Variants in PIEZO2 observed in about 807,000 individuals in gnomAD.
PIEZO2 encodes the protein piezo-type mechanosensitive ion channel component 2.
In PIEZO2, 172 loss-of-function variants were observed where a neutral mutation model predicts 337.3. That is an observed-to-expected ratio of 0.51 (90% CI 0.45 to 0.58). PIEZO2 has a LOEUF of 0.58. PIEZO2 is among the 20% of genes least tolerant of loss of function. PIEZO2 has a pLI of 0.00. For missense variants in PIEZO2, 3,028 were observed against 3,391.3 expected (o/e 0.89, Z 2.66); for synonymous variants, 1,251 against 1,228.5 (o/e 1.02, Z -0.38).
chr18:11,034,879 C>A (rs1271623927), intron 2 of PIEZO2, among the ~76,000 whole-genome samples: 2 of 152,104 alleles, frequency 1.3e-5, no homozygotes, highest in Non-Finnish European at 2.9e-5. Context: ...AAACCTCTCC[C>A]AGAATCAAGT....
rs1413892205 is a variant in PIEZO2, at chr18:11,002,668, G to T, written c.161-23008C>A. Reference sequence around the variant, plus strand: ...CTTAATATTATGAGACAGTTGCTTTGTTGCAATGTTTTACTGGCGGCGGCG... The same window carrying T: ...CTTAATATTATGAGACAGTTGCTTTTTTGCAATGTTTTACTGGCGGCGGCG... On this transcript the variant is annotated intron_variant, in intron 2 of 55. Transcript: ENST00000674853. This position sits in a 1 kb window ranked among gnomAD's most constrained non-coding sequence, Gnocchi z 4.3. Among the ~76,000 whole-genome samples, 3 of 152,188 alleles carry T rather than the reference G, an allele frequency of 2.0e-5. No individual in the cohort carries two copies. Among genetic ancestry groups the T allele is most frequent in the African/African-American group, 4.8e-5 (2 of 41,438 alleles).
chr18:10,892,492 C>A (rs890016758), intron 4 of PIEZO2, among the ~76,000 whole-genome samples: 3 of 152,152 alleles, frequency 2.0e-5, no homozygotes, highest in African/African-American at 7.2e-5. Context: ...GGGAGGTTGA[C>A]TGCCGAGGGC....
rs1466161890 is a variant in PIEZO2 at position 10,903,636 on chromosome 18, G to A, written c.329+7550C>T. On this transcript the variant is annotated intron_variant, in intron 4 of 55. Transcript: ENST00000674853. The surrounding 1 kb of genome is among the most constrained non-coding windows in gnomAD (Gnocchi z 4.1). Reference sequence around the variant, plus strand: ...TGCAGTGAGCCGAGATCACACCACTGCACTCCAGCCTGGGCGACAGAGCAA... The same window carrying A: ...TGCAGTGAGCCGAGATCACACCACTACACTCCAGCCTGGGCGACAGAGCAA... Among the ~76,000 whole-genome samples the A allele has an allele frequency of 6.6e-6, 1 of 151,876 alleles. No individual in the cohort carries two copies. The highest frequency in any genetic ancestry group is 2.4e-5 in the African/African-American group (1 of 41,328).
intron 52 of PIEZO2, among the ~76,000 whole-genome samples, chr18:10,679,459 G>T (rs375960598): frequency 1.3e-5 from 2 of 152,258 alleles, no homozygotes; most frequent in African/African-American, 4.8e-5. Context: ...TAAGGAGCAG[G>T]ATATTGATTT....
At chr18:10,944,499 A>G (rs2032905658) in intron 3 of PIEZO2, among the ~76,000 whole-genome samples, 1 of 26,252 alleles carries the variant, frequency 3.8e-5, no homozygotes, top group African/African-American at 1.7e-4. Flanking sequence ...ATATATATAT[A>G]TATATATCTT....
rs950911287 is a variant in PIEZO2, at chr18:10,830,016, G to A, written c.918-22742C>T. On this transcript the variant is annotated intron_variant, in intron 7 of 55. Coordinates refer to ENST00000674853, the MANE Select transcript of PIEZO2 (RefSeq NM_001378183.1). This position sits in a 1 kb window ranked among gnomAD's most constrained non-coding sequence, Gnocchi z 4.7. Reference sequence around the variant, plus strand: ...CATCCTGAGCAAGAAGTACAAAACTGGAGGAATCACATTACCTCACTTCGA... The same window carrying A: ...CATCCTGAGCAAGAAGTACAAAACTAGAGGAATCACATTACCTCACTTCGA... Among the ~76,000 whole-genome samples the A allele has an allele frequency of 2.6e-5, 4 of 151,080 alleles. No individual in the cohort carries two copies. Among genetic ancestry groups the A allele is most frequent in the African/African-American group, 9.7e-5 (4 of 41,182 alleles).
At chr18:10,715,578 A>G (rs1434542529) in intron 38 of PIEZO2, 72 bp downstream of exon 38, 8 of 1,349,606 alleles carry the variant, frequency 5.9e-6, no homozygotes. Flanking sequence ...TCCTACCTGG[A>G]GTTTTGGACA....
At position 11,109,768 on chromosome 18, in the gene PIEZO2, G is replaced by GTGTA. The variant is rs1411322520; in HGVS notation, c.64+38753_64+38756dup. Among the ~76,000 whole-genome samples the GTGTA allele has an allele frequency of 6.6e-6, 1 of 152,076 alleles. No individual in the cohort carries two copies. Among genetic ancestry groups the GTGTA allele is most frequent in the Non-Finnish European group, 1.5e-5 (1 of 68,006 alleles). On this transcript the variant is annotated intron_variant, in intron 1 of 55. Transcript: ENST00000674853. This position sits in a 1 kb window ranked among gnomAD's most constrained non-coding sequence, Gnocchi z 5.1. ...ATCCTTAATGCTAAGAAGCAAAAAT[G>GTGTA]TGTATGTGTTTGTCTATTCTGGATA... is the stretch of plus-strand genomic sequence containing the variant.
intron 43 of PIEZO2, 81 bp from the exon 44 acceptor site, chr18:10,699,258 A>G: frequency 1.3e-6 from 2 of 1,499,526 alleles, no homozygotes; most frequent in South Asian, 2.5e-5. Context: ...AATCTCATCC[A>G]ACAAACTGTC....
chr18:10,991,284 G>A (rs950447561), intron 2 of PIEZO2, among the ~76,000 whole-genome samples: 1 of 151,070 alleles, frequency 6.6e-6, no homozygotes, highest in African/African-American at 2.4e-5. Flanking sequence ...AGAATGTGCA[G>A]TTTTGTTACA....
At position 10,962,646 on chromosome 18, in the gene PIEZO2, C is replaced by T. The variant is rs1165057001; in HGVS notation, c.286+16889G>A. On this transcript the variant is annotated intron_variant, in intron 3 of 55. Coordinates refer to ENST00000674853, the MANE Select transcript of PIEZO2 (RefSeq NM_001378183.1). This position sits in a 1 kb window ranked among gnomAD's most constrained non-coding sequence, Gnocchi z 4.1. ...CTCTTTCTTTGACTTTTCCTCTTAC[C>T]AAGTACAAATTACTTTCTCCATAAG... 6.6e-6 allele frequency among the ~76,000 whole-genome samples: 1 copy of T among 152,162 alleles called. No homozygotes were observed. The highest frequency in any genetic ancestry group is 1.5e-5 in the Non-Finnish European group (1 of 68,034).
intron 1 of PIEZO2, among the ~76,000 whole-genome samples, chr18:11,090,054 G>A (rs2039027519): frequency 1.3e-5 from 2 of 152,218 alleles, no homozygotes; most frequent in African/African-American, 4.8e-5. Flanking sequence ...AGGGTAGGAA[G>A]GGAGAGCAGG....
intron 1 of PIEZO2, among the ~76,000 whole-genome samples, chr18:11,120,410 C>T (rs2039997828): frequency 6.6e-6 from 1 of 152,142 alleles, no homozygotes; most frequent in Non-Finnish European, 1.5e-5. Context: ...AAGTCAGTCA[C>T]TTCAGCATTT....
chr18:10,880,898 T>C (rs2042400933), intron 4 of PIEZO2, among the ~76,000 whole-genome samples: 3 of 89,890 alleles, frequency 3.3e-5, no homozygotes, highest in South Asian at 3.8e-4. Context: ...TATATATATA[T>C]ATAATTTTGA....
chr18:10,824,806 T>C lies in PIEZO2; in HGVS notation c.918-17532A>G, dbSNP rs556589513. On this transcript the variant is annotated intron_variant, in intron 7 of 55. Transcript: ENST00000674853. This position sits in a 1 kb window ranked among gnomAD's most constrained non-coding sequence, Gnocchi z 4.4. ...CAATTAACAAAACAATACTGAGACATGATTTTAAACTAAAGTCCATATTTT... is the reference window on the plus strand; with the variant it reads ...CAATTAACAAAACAATACTGAGACACGATTTTAAACTAAAGTCCATATTTT... 6.1e-4 allele frequency among the ~76,000 whole-genome samples: 93 copies of C among 152,324 alleles called. No individual in the cohort carries two copies. The highest frequency in any genetic ancestry group is 1.1e-3 in the Non-Finnish European group (77 of 68,030).
rs2038831374 is a variant in PIEZO2, at chr18:11,083,908, G to C, written c.65-17686C>G. ...GAGAAAGGAGAGGGCCGGGAGTGGG[G>C]GCTCATGCCTGTTATCCCAGCACTT... is the stretch of plus-strand genomic sequence containing the variant. On this transcript the variant is annotated intron_variant, in intron 1 of 55. Transcript: ENST00000674853. The surrounding 1 kb of genome is among the most constrained non-coding windows in gnomAD (Gnocchi z 4.4). Among the ~76,000 whole-genome samples, 1 of 152,020 alleles carries C rather than the reference G, an allele frequency of 6.6e-6. No homozygotes were observed. Among genetic ancestry groups the C allele is most frequent in the South Asian group, 2.1e-4 (1 of 4,820 alleles).
Position 10,762,923 on chromosome 18 carries a change from A to T in PIEZO2, c.3122T>A (p.Leu1041Ter). 1 of 1,536,780 alleles carries T rather than the reference A, an allele frequency of 6.5e-7. No individual in the cohort carries two copies. The highest frequency in any genetic ancestry group is 8.7e-7 in the Non-Finnish European group (1 of 1,146,700). Reference sequence around the variant, plus strand: ...TATTCCCCCATCACCGAGGCTCACCAAGGAACAGTTAACAGAGAAGTTCTC... The same window carrying T: ...TATTCCCCCATCACCGAGGCTCACCTAGGAACAGTTAACAGAGAAGTTCTC... ...KPENFSVNCSLPNENQTNIPF... is the reference protein window; with the variant it reads ...KPENFSVNCS The change falls in exon 22 of 56, where the codon TTG becomes TAG. Residue 1041 changes from leucine (L) to a stop codon, truncating the protein, a stop_gained and splice_region_variant. Coordinates refer to ENST00000674853, the MANE Select transcript of PIEZO2 (RefSeq NM_001378183.1). LOFTEE classifies it high-confidence loss of function.
chr18:10,696,711 G>A (rs1462104523), intron 45 of PIEZO2, among the ~76,000 whole-genome samples, 172 bp from the exon 46 acceptor site: 5 of 152,192 alleles, frequency 3.3e-5, no homozygotes, highest in Non-Finnish European at 5.9e-5. Flanking sequence ...CTGTTCTAAC[G>A]GAGAGCGTAT....
rs548986843 is a variant in PIEZO2, at chr18:10,713,354, G to T, written c.5423+1410C>A. Reference sequence around the variant, plus strand: ...TAGCACTTTAGGGCAAAACTTTTTGGTTTTTTTTTTACCCACATTCCTCAC... The same window carrying T: ...TAGCACTTTAGGGCAAAACTTTTTGTTTTTTTTTTTACCCACATTCCTCAC... On this transcript the variant is annotated intron_variant, in intron 39 of 55. Transcript: ENST00000674853. The surrounding 1 kb of genome is among the most constrained non-coding windows in gnomAD (Gnocchi z 4.5). Among the ~76,000 whole-genome samples the T allele has an allele frequency of 7.4e-5, 11 of 148,228 alleles. No homozygotes were observed. In the South Asian group the frequency reaches 1.7e-3, roughly 23 times the overall value.
Sources: allele counts gnomAD v4.1 joint callset (sites outside exome capture counted in the v4.1 genomes callset), GRCh38; gene constraint gnomAD v4.1.1; non-coding constraint Gnocchi (gnomAD v3.1); transcripts MANE v1.5; gene names NCBI Gene and HGNC (gene_info 2026-07-23, HGNC 2026-07-21).